Variants in HS6ST3 observed in about 807,000 individuals in gnomAD.
The protein encoded by HS6ST3 is heparan sulfate 6-O-sulfotransferase 3.
HS6ST3 carries 12 observed loss-of-function variants against 36.7 expected under a neutral mutation model. That is an observed-to-expected ratio of 0.33 (90% CI 0.21 to 0.53). The LOEUF is 0.53. Ranked by LOEUF, HS6ST3 falls within the 20% of genes least tolerant of loss-of-function variation. The pLI, the probability that HS6ST3 is intolerant of heterozygous loss-of-function variation, is 0.95. For missense variants in HS6ST3, 584 were observed against 640.9 expected, an observed-to-expected ratio of 0.91 and a Z score of 0.96; for synonymous variants, 240 against 257.5, an observed-to-expected ratio of 0.93 and a Z score of 0.65.
intron 1 of HS6ST3, among the ~76,000 whole-genome samples, chr13:96,499,442 A>T (rs2055993469): frequency 6.6e-6 from 1 of 152,138 alleles, no homozygotes; most frequent in South Asian, 2.1e-4. Context: ...ACCCTGGAGG[A>T]GCTTACATTC....
At chr13:96,523,333 T>G (rs954954682) in intron 1 of HS6ST3, among the ~76,000 whole-genome samples, 1 of 152,172 alleles carries the variant, frequency 6.6e-6, no homozygotes, top group Non-Finnish European at 1.5e-5. Context: ...AATCTGACAA[T>G]TACGTGTCTT....
intron 1 of HS6ST3, among the ~76,000 whole-genome samples, chr13:96,799,181 G>A (rs1566456531): frequency 6.6e-6 from 1 of 152,092 alleles, no homozygotes; most frequent in African/African-American, 2.4e-5. Flanking sequence ...CTGAGGAATT[G>A]CCACACTGAC....
At chr13:96,650,519 A>G (rs2056603732) in intron 1 of HS6ST3, among the ~76,000 whole-genome samples, 2 of 152,068 alleles carry the variant, frequency 1.3e-5, no homozygotes, top group African/African-American at 4.8e-5. Flanking sequence ...GTTTTTCTCT[A>G]GAAGCTGAGG....
chr13:96,449,635 A>G (rs2055717303), intron 1 of HS6ST3, among the ~76,000 whole-genome samples: 1 of 152,226 alleles, frequency 6.6e-6, no homozygotes, highest in Non-Finnish European at 1.5e-5. Flanking sequence ...TTCCATATGT[A>G]TATACGTGCA....
At chr13:96,190,654 G>A (rs2054284477) in intron 1 of HS6ST3, among the ~76,000 whole-genome samples, 1 of 152,096 alleles carries the variant, frequency 6.6e-6, no homozygotes, top group African/African-American at 2.4e-5. Flanking sequence ...TTGAAGGTTG[G>A]GAGACAGCAC....
At chr13:96,180,185 C>T (rs1235212411) in intron 1 of HS6ST3, among the ~76,000 whole-genome samples, 2 of 152,118 alleles carry the variant, frequency 1.3e-5, no homozygotes, top group African/African-American at 4.8e-5. Context: ...ACTATGCGGA[C>T]ATACACACGC....
At chr13:96,331,712 G>T (rs1393349051) in intron 1 of HS6ST3, among the ~76,000 whole-genome samples, 1 of 152,204 alleles carries the variant, frequency 6.6e-6, no homozygotes, top group Non-Finnish European at 1.5e-5. Flanking sequence ...GCTCCACCCA[G>T]TTGGAGCTTC....
chr13:96,644,564 A>T (rs762839153), intron 1 of HS6ST3, among the ~76,000 whole-genome samples: 5 of 152,002 alleles, frequency 3.3e-5, no homozygotes, highest in African/African-American at 7.2e-5. Flanking sequence ...ATGTGAGATG[A>T]TTAGGGCACT....
rs541664230 is a variant in HS6ST3, at chr13:96,816,616, T to C, written c.708-15874T>C. 5.0e-4 allele frequency among the ~76,000 whole-genome samples: 76 copies of C among 152,342 alleles called. 1 individual carries two copies. Among genetic ancestry groups the C allele is most frequent in the African/African-American group, 1.6e-3 (67 of 41,592 alleles). On this transcript the variant is annotated intron_variant, in intron 1 of 1. Coordinates refer to ENST00000376705, the MANE Select transcript of HS6ST3 (RefSeq NM_153456.4). ...GACAATCGTGCTGCCCTGTTCTCCC[T>C]GACCCCTCTTCAGGAGAGCCAGCTG... is the stretch of plus-strand genomic sequence containing the variant.
chr13:96,579,074 C>T (rs1393973788), intron 1 of HS6ST3, among the ~76,000 whole-genome samples: 1 of 152,146 alleles, frequency 6.6e-6, no homozygotes, highest in African/African-American at 2.4e-5. Context: ...ATTAAAATAA[C>T]TCATGTTAGA....
chr13:96,747,988 T>G (rs1334642322), intron 1 of HS6ST3, among the ~76,000 whole-genome samples: 1 of 152,158 alleles, frequency 6.6e-6, no homozygotes, highest in Admixed American at 6.6e-5. Flanking sequence ...CTTTTATAAG[T>G]GAGAAGGCTG....
intron 1 of HS6ST3, among the ~76,000 whole-genome samples, chr13:96,276,053 C>T (rs372314334): frequency 6.6e-6 from 1 of 152,022 alleles, no homozygotes; most frequent in East Asian, 1.9e-4. Context: ...ATATGCCTTA[C>T]CATTCCCATC....
At chr13:96,091,924 G>A (rs2053767105) in intron 1 of HS6ST3, among the ~76,000 whole-genome samples, 1 of 152,146 alleles carries the variant, frequency 6.6e-6, no homozygotes, top group Non-Finnish European at 1.5e-5. Context: ...GGTTAGACCA[G>A]CCTTGTAGAA....
chr13:96,415,133 G>C (rs1204668329), intron 1 of HS6ST3, among the ~76,000 whole-genome samples: 1 of 152,186 alleles, frequency 6.6e-6, no homozygotes, highest in Non-Finnish European at 1.5e-5. Flanking sequence ...GTTCTTTGGG[G>C]AATGGGGTGA....
chr13:96,560,606 G>GATTCTATACAT (rs2056258401), intron 1 of HS6ST3, among the ~76,000 whole-genome samples: 1 of 152,132 alleles, frequency 6.6e-6, no homozygotes, highest in African/African-American at 2.4e-5. Context: ...CTGATGATAT[G>GATTCTATACAT]ATTCTATACA....
chr13:96,645,925 T>A (rs558515317), intron 1 of HS6ST3, among the ~76,000 whole-genome samples: 2 of 152,052 alleles, frequency 1.3e-5, no homozygotes, highest in African/African-American at 4.8e-5. Flanking sequence ...TACTTGGGAC[T>A]AGGAGATCTT....
chr13:96,390,283 T>C (rs1250637865), intron 1 of HS6ST3, among the ~76,000 whole-genome samples: 1 of 152,218 alleles, frequency 6.6e-6, no homozygotes, highest in Non-Finnish European at 1.5e-5. Flanking sequence ...TTGCTAAATG[T>C]ACTGCTATGA....
chr13:96,813,004 T>C (rs918067033), intron 1 of HS6ST3, among the ~76,000 whole-genome samples: 8 of 152,150 alleles, frequency 5.3e-5, no homozygotes, highest in Non-Finnish European at 8.8e-5. Flanking sequence ...CCTGCTATGC[T>C]CTCGTCTGAT....
At chr13:96,139,836 CA>C (rs2054022094) in intron 1 of HS6ST3, among the ~76,000 whole-genome samples, 2 of 152,086 alleles carry the variant, frequency 1.3e-5, no homozygotes, top group South Asian at 4.1e-4. Context: ...TCTCTGTTCT[CA>C]AGACACATAA....
Sources: gnomAD v4.1 joint callset for allele counts (sites outside exome capture counted in the v4.1 genomes callset) on GRCh38, gnomAD v4.1.1 for gene constraint, MANE v1.5 for transcripts, NCBI Gene and HGNC (gene_info 2026-07-23, HGNC 2026-07-21) for gene names.